The following SMIM31 variants were observed in gnomAD, a reference collection of about 807,000 sequenced individuals.
SMIM31 encodes the protein human epithelial cell program regulator.
intron 1 of SMIM31, among the ~76,000 whole-genome samples, chr4:164,758,630 G>GTT (rs1210607914): frequency 0.022 from 2,122 of 96,578 alleles, 356 homozygotes; most frequent in African/African-American, 0.058. Context: ...TCCTTTTTTT[G>GTT]TTTTTTTTTT....
intron 2 of SMIM31, among the ~76,000 whole-genome samples, chr4:164,785,164 TGC>T (rs1733011766): frequency 6.6e-6 from 1 of 151,800 alleles, no homozygotes; most frequent in Admixed American, 6.6e-5. Context: ...AGGCGGAGGT[TGC>T]GGTAAGCAGA....
chr4:164,801,891 T>G lies in SMIM31; in HGVS notation c.*697T>G, dbSNP rs1185005880. 8 of 152,150 alleles carry G rather than the reference T, an allele frequency of 5.3e-5. No individual in the cohort carries two copies. Among genetic ancestry groups the G allele is most frequent in the African/African-American group, 2.4e-5 (1 of 41,450 alleles). The allele number at this position is 152,150 out of a possible 1,614,324, so 9.4% of individuals were successfully genotyped here. Reference sequence around the variant, plus strand: ...AAATTTGTCATTCTGTGTCCTTTATTCATCCTAAAAGTTGAAAGTTTTCTG... The same window carrying G: ...AAATTTGTCATTCTGTGTCCTTTATGCATCCTAAAAGTTGAAAGTTTTCTG... On this transcript the variant is annotated 3_prime_UTR_variant, in exon 3 of 3. Coordinates refer to ENST00000507311, the MANE Select transcript of SMIM31 (RefSeq NM_001352885.1).
chr4:164,787,338 G>T (rs1303055208), intron 2 of SMIM31: 1 of 151,944 alleles, frequency 6.6e-6, no homozygotes, highest in East Asian at 1.9e-4. Flanking sequence ...ACACAGAGAA[G>T]ATTAGCATTG....
At chr4:164,794,287 G>C (rs552059592) in intron 2 of SMIM31, among the ~76,000 whole-genome samples, 2 of 152,202 alleles carry the variant, frequency 1.3e-5, no homozygotes, top group African/African-American at 4.8e-5. Flanking sequence ...GCTGAAGTGG[G>C]AGGATCACTT....
chr4:164,797,465 C>CTT (rs70952643), intron 2 of SMIM31, among the ~76,000 whole-genome samples: 65,102 of 131,168 alleles, frequency 0.5, 16,998 homozygotes, highest in Non-Finnish European at 0.57. Flanking sequence ...GATTTCTTTT[C>CTT]TTTTTTTTTT....
At chr4:164,759,796 A>C (rs1301076288) in intron 1 of SMIM31, among the ~76,000 whole-genome samples, 2 of 152,236 alleles carry the variant, frequency 1.3e-5, no homozygotes, top group African/African-American at 4.8e-5. Flanking sequence ...CCTCGCCCTC[A>C]TGAAGCTTAA....
chr4:164,798,493 G>A (rs899798574), intron 2 of SMIM31, among the ~76,000 whole-genome samples: 6 of 151,674 alleles, frequency 4.0e-5, no homozygotes, highest in African/African-American at 1.5e-4. Context: ...CGCCCACCTC[G>A]GCCTCCCAAA....
At chr4:164,797,044 G>A (rs988823983) in intron 2 of SMIM31, among the ~76,000 whole-genome samples, 1 of 152,136 alleles carries the variant, frequency 6.6e-6, no homozygotes, top group African/African-American at 2.4e-5. Flanking sequence ...GCTTTAGGTT[G>A]TTCTACTGGC....
At chr4:164,755,390 G>A (rs1254230307) in intron 1 of SMIM31, among the ~76,000 whole-genome samples, 2 of 150,568 alleles carry the variant, frequency 1.3e-5, no homozygotes, top group African/African-American at 4.9e-5. Flanking sequence ...TGAGGCAGGA[G>A]AATCACTTGA....
chr4:164,784,119 G>A (rs560407872), intron 2 of SMIM31, among the ~76,000 whole-genome samples: 2 of 152,336 alleles, frequency 1.3e-5, no homozygotes, highest in South Asian at 4.1e-4. Flanking sequence ...GATGAAGAAA[G>A]TTGGGGGCGA....
At chr4:164,792,660 T>C (rs1296404392) in intron 2 of SMIM31, among the ~76,000 whole-genome samples, 3 of 152,192 alleles carry the variant, frequency 2.0e-5, no homozygotes, top group African/African-American at 4.8e-5. Flanking sequence ...ATTACTACTA[T>C]GGAAGACCAC....
At chr4:164,765,370 G>A (rs1466852068) in intron 1 of SMIM31, among the ~76,000 whole-genome samples, 1 of 152,168 alleles carries the variant, frequency 6.6e-6, no homozygotes, top group Admixed American at 6.5e-5. Flanking sequence ...CTGCCTGTAT[G>A]AGCCTTCAAG....
At chr4:164,772,528 A>G (rs144005270) in intron 2 of SMIM31, among the ~76,000 whole-genome samples, 67 of 152,178 alleles carry the variant, frequency 4.4e-4, no homozygotes, top group Middle Eastern at 3.4e-3. Context: ...GAGTAATAAT[A>G]ACCTCACTAT....
chr4:164,758,665 G>T (rs1449680115), intron 1 of SMIM31, among the ~76,000 whole-genome samples: 1 of 114,064 alleles, frequency 8.8e-6, no homozygotes, highest in South Asian at 2.9e-4. Context: ...ACGGAGTCTC[G>T]CTCTGTCCCC....
chr4:164,797,766 A>G (rs1486658123), intron 2 of SMIM31, among the ~76,000 whole-genome samples: 1 of 151,908 alleles, frequency 6.6e-6, no homozygotes, highest in Non-Finnish European at 1.5e-5. Flanking sequence ...CCTGGCCTAA[A>G]GTGCAAATTT....
chr4:164,783,234 G>C (rs1579069966), intron 2 of SMIM31, among the ~76,000 whole-genome samples: 1 of 64,410 alleles, frequency 1.6e-5, no homozygotes. Context: ...AAAAAAAAAG[G>C]AATTTCTGGC....
chr4:164,788,404 A>T (rs544578572), intron 2 of SMIM31, among the ~76,000 whole-genome samples: 2 of 148,874 alleles, frequency 1.3e-5, no homozygotes, highest in Non-Finnish European at 3.0e-5. Flanking sequence ...GGTAGTACTG[A>T]TGGAAAAATA....
chr4:164,786,264 C>T (rs1478558145), intron 2 of SMIM31, among the ~76,000 whole-genome samples: 1 of 152,098 alleles, frequency 6.6e-6, no homozygotes, highest in African/African-American at 2.4e-5. Context: ...GCCTTTGTGG[C>T]TCCAGTTTTA....
chr4:164,759,050 A>G (rs1732611374), intron 1 of SMIM31, among the ~76,000 whole-genome samples: 1 of 151,818 alleles, frequency 6.6e-6, no homozygotes, highest in Non-Finnish European at 1.5e-5. Flanking sequence ...CGACCCTGGG[A>G]TAAACCCTGC....
Sources: allele counts gnomAD v4.1 joint callset (sites outside exome capture counted in the v4.1 genomes callset), GRCh38; gene constraint gnomAD v4.1.1; transcripts MANE v1.5; gene names NCBI Gene and HGNC (gene_info 2026-07-23, HGNC 2026-07-21).